Variants in IGFL3 observed in about 807,000 individuals in gnomAD.
IGFL3 encodes IGF like family member 3.
IGFL3 carries 12 observed loss-of-function variants against 17.0 expected under a neutral mutation model. The ratio of observed to expected loss-of-function variants is 0.71; its 90% CI spans 0.45 to 1.14. IGFL3 has a LOEUF of 1.14. Ranked by LOEUF, IGFL3 falls within the 50% of genes most tolerant of loss-of-function variation. The pLI is 0.00. For missense variants in IGFL3, 153 were observed against 151.6 expected (o/e 1.01, Z -0.05); for synonymous variants, 52 against 57.4 (o/e 0.91, Z 0.42).
Position 46,120,122 on chromosome 19 carries a change from A to C in IGFL3, c.*208T>G. ...GCCGATGAAAGTGGCTCTCAGCGGG[A>C]AGGGGAGCTGGAAAGGGGATGAAGC... On this transcript the variant is annotated 3_prime_UTR_variant, in exon 4 of 4. Transcript: ENST00000341415. The C allele has an allele frequency of 1.6e-6, 1 of 629,876 alleles. No homozygotes were observed. Among genetic ancestry groups the C allele is most frequent in the Non-Finnish European group, 2.6e-6 (1 of 380,976 alleles). 39.0% of individuals were successfully genotyped at this position (629,876 alleles called of 1,614,324 possible).
At chr19:46,124,407 G>A (rs1971975953) in intron 1 of IGFL3, 86 bp from the exon 2 acceptor site, 1 of 1,435,266 alleles carries the variant, frequency 7.0e-7, no homozygotes, top group South Asian at 1.2e-5. Flanking sequence ...ACAGAGGTTA[G>A]GGTGGTTTAA....
rs977781628 is a variant in IGFL3, at chr19:46,123,783, CTT to C, written c.350+101_350+102del. ...TTCCCCTGCTGCCACCAGCCTGACTCTTTTGCCGTTAGAACTCCACAAACAGG... is the reference window on the plus strand; with the variant it reads ...TTCCCCTGCTGCCACCAGCCTGACTCTTGCCGTTAGAACTCCACAAACAGG... On this transcript the variant is annotated intron_variant, in intron 3 of 3. Coordinates refer to ENST00000341415, the MANE Select transcript of IGFL3 (RefSeq NM_207393.2). 564 of 1,322,510 alleles carry C rather than the reference CTT, an allele frequency of 4.3e-4. 11 individuals carry two copies. Among genetic ancestry groups the C allele is most frequent in the Non-Finnish European group, 1.1e-4 (103 of 966,534 alleles). The allele number at this position is 1,322,510 out of a possible 1,614,324, so 81.9% of individuals were successfully genotyped here.
intron 3 of IGFL3, 28 bp from the exon 4 acceptor site, chr19:46,120,385 CT>C: frequency 3.1e-6 from 5 of 1,610,208 alleles, no homozygotes; most frequent in Non-Finnish European, 4.2e-6. Flanking sequence ...ATCAAAGTGT[CT>C]TAACAACATA....
rs1186930366 is a variant in IGFL3 at position 46,124,018 on chromosome 19, C to T, written c.218G>A (p.Cys73Tyr). ...GAGCTCAAAGCAGGGCCAGAAGGTGCAGGTGGAGCCACAGCGGCGGGTCTC... is the reference window on the plus strand; with the variant it reads ...GAGCTCAAAGCAGGGCCAGAAGGTGTAGGTGGAGCCACAGCGGCGGGTCTC... ...LKETRRCGST[C>Y]TFWPCFELCC... is the part of the protein sequence containing the mutation. The change falls in exon 3 of 4, where the codon TGC (cysteine) becomes TAC (tyrosine). Residue 73 changes from cysteine to tyrosine, a missense_variant. Physicochemically the swap from Cys to Tyr is radical, Grantham distance 194. Transcript: ENST00000341415. 1 of 1,611,476 alleles carries T rather than the reference C, an allele frequency of 6.2e-7. No individual in the cohort carries two copies. The highest frequency in any genetic ancestry group is 1.1e-5 in the South Asian group (1 of 90,872).
chr19:46,123,889 G>C lies in IGFL3; in HGVS notation c.347C>G (p.Thr116Ser). ...CHLSPISRSC[T>S]RNRRHVLYP ...AGAGCAAGGTAGGGACCTTTACCTG[G>C]TACAGCTCCGGGAGATGGGAGATAA... Residue 116 changes from threonine (T) to serine (S), a missense_variant, in exon 3 of 4, where the codon ACC (threonine) becomes AGC (serine). Transcript: ENST00000341415. 6.2e-7 allele frequency: 1 copy of C among 1,609,186 alleles called. No homozygotes were observed. Among genetic ancestry groups the C allele is most frequent in the Admixed American group, 1.7e-5 (1 of 59,444 alleles).
rs1349914373 is a variant in IGFL3, at chr19:46,123,894, G to T, written c.342C>A (p.Ser114Arg). ...AAGGTAGGGACCTTTACCTGGTACA[G>T]CTCCGGGAGATGGGAGATAAGTGAC... The part of the protein sequence containing the change: ...SQCHLSPISR[S>R]CTRNRRHVLY... Residue 114 changes from serine (S) to arginine (R), a missense_variant, in exon 3 of 4, where the codon AGC becomes AGA. Transcript: ENST00000341415. 2 of 1,610,226 alleles carry T rather than the reference G, an allele frequency of 1.2e-6. No homozygotes were observed. Among genetic ancestry groups the T allele is most frequent in the Non-Finnish European group, 1.7e-6 (2 of 1,179,122 alleles).
rs1407147805 is a variant in IGFL3, at chr19:46,124,544, AAG to A, written c.25+79_25+80del. 3.0e-6 allele frequency: 4 copies of A among 1,338,868 alleles called. No homozygotes were observed. The Admixed American group carries it at 6.8e-5, about 23-fold the overall frequency. 82.9% of individuals were successfully genotyped at this position (1,338,868 alleles called of 1,614,324 possible). On this transcript the variant is annotated intron_variant, in intron 1 of 3. Coordinates refer to ENST00000341415, the MANE Select transcript of IGFL3 (RefSeq NM_207393.2). ...GGAGGCTGGAATAATGTTAGAGATA[AAG>A]AGGAATAAATCGGGTTGAGGTTTGG...
At chr19:46,123,239 A>G (rs1354270250) in intron 3 of IGFL3, among the ~76,000 whole-genome samples, 2 of 150,950 alleles carry the variant, frequency 1.3e-5, no homozygotes, top group Non-Finnish European at 2.9e-5. Context: ...GAAAAAGGAT[A>G]CTGACCTCCT....
At chr19:46,122,747 C>A (rs769718214) in intron 3 of IGFL3, among the ~76,000 whole-genome samples, 2 of 150,912 alleles carry the variant, frequency 1.3e-5, no homozygotes, top group Non-Finnish European at 2.9e-5. Context: ...TTACATTACA[C>A]GTATTACCTC....
At position 46,124,120 on chromosome 19, in the gene IGFL3, G is replaced by A. The variant is rs764545335; in HGVS notation, c.116C>T (p.Pro39Leu). The A allele has an allele frequency of 3.6e-5, 58 of 1,610,676 alleles. 3 individuals are homozygous for A. The South Asian group carries it at 5.1e-4, about 14-fold the overall frequency. The stretch of plus-strand genomic sequence containing the variant: ...GATCTTGTTCCCACACCTGGGTGTC[G>A]GCTGGCACAGCCACAGTCCTGAGCC... ...PVGSGLWLCQ[P>L]TPRCGNKIYN... Residue 39 changes from proline to leucine, a missense_variant, in exon 3 of 4, where the codon CCG (proline) becomes CTG (leucine). By Grantham distance (98) the Pro-to-Leu change is moderately conservative (BLOSUM62 -3). Coordinates refer to ENST00000341415, the MANE Select transcript of IGFL3 (RefSeq NM_207393.2).
rs528415451 is a variant in IGFL3 at position 46,120,858 on chromosome 19, T to C, written c.351-501A>G. On this transcript the variant is annotated intron_variant, in intron 3 of 3. Coordinates refer to ENST00000341415, the MANE Select transcript of IGFL3 (RefSeq NM_207393.2). ...TGAGAAATATTGAAGGTAATAGATATGTTAATTTCCTTGAGTTTAATTATT... is the reference window on the plus strand; with the variant it reads ...TGAGAAATATTGAAGGTAATAGATACGTTAATTTCCTTGAGTTTAATTATT... 1.4e-4 allele frequency among the ~76,000 whole-genome samples: 21 copies of C among 150,958 alleles called. 1 individual carries two copies. Among genetic ancestry groups the C allele is most frequent in the Non-Finnish European group, 3.1e-4 (21 of 67,954 alleles).
At chr19:46,124,429 A>G in intron 1 of IGFL3, 108 bp from the exon 2 acceptor site, 2 of 1,297,448 alleles carry the variant, frequency 1.5e-6, no homozygotes, top group Non-Finnish European at 2.2e-6. Context: ...GGTGGAGATT[A>G]TCACTTGGGG....
chr19:46,124,669 G>A lies in IGFL3; in HGVS notation c.-20C>T, dbSNP rs1971995079. 1 of 1,605,636 alleles carries A rather than the reference G, an allele frequency of 6.2e-7. No homozygotes were observed. The highest frequency in any genetic ancestry group is 2.3e-5 in the East Asian group (1 of 44,344). On this transcript the variant is annotated 5_prime_UTR_variant, in exon 1 of 4. Transcript: ENST00000341415. ...CCTCATGCTTCCAAAGATGCTCTAG[G>A]AGAATTGAAGAAGAGTGGTAAAAGG...
intron 3 of IGFL3, among the ~76,000 whole-genome samples, chr19:46,120,593 T>G (rs929022011): frequency 1.3e-5 from 2 of 150,462 alleles, no homozygotes; most frequent in Non-Finnish European, 2.9e-5. Context: ...TTCCTCAAAA[T>G]GCCAGATAAA....
chr19:46,120,310 G>T lies in IGFL3; in HGVS notation c.*20C>A, dbSNP rs542457910. 1.4e-5 allele frequency: 22 copies of T among 1,610,790 alleles called. 1 individual carries two copies. In the African/African-American group the frequency reaches 2.8e-4, roughly 21 times the overall value. On this transcript the variant is annotated 3_prime_UTR_variant, in exon 4 of 4. Coordinates refer to ENST00000341415, the MANE Select transcript of IGFL3 (RefSeq NM_207393.2). The stretch of plus-strand genomic sequence containing the variant: ...TCTCTTCTCCCCTTGTCTGCCGTCT[G>T]CCAGTGGAGCCTGGGGTTTTTATGG...
Position 46,123,591 on chromosome 19 carries a change from G to GT in IGFL3, c.350+294dup, listed in dbSNP as rs531111222. On this transcript the variant is annotated intron_variant, in intron 3 of 3. Coordinates refer to ENST00000341415, the MANE Select transcript of IGFL3 (RefSeq NM_207393.2). ...TTCCTGACACTGGATTATTTAGCAT[G>GT]TTTTTTTACATCAGGAAGGCAACTG... Among the ~76,000 whole-genome samples, 740 of 150,912 alleles carry GT rather than the reference G, an allele frequency of 4.9e-3. 44 individuals are homozygous for GT. The highest frequency in any genetic ancestry group is 0.017 in the African/African-American group (675 of 40,698).
At chr19:46,123,735 C>G in intron 3 of IGFL3, 151 bp downstream of exon 3, 1 of 832,078 alleles carries the variant, frequency 1.2e-6, no homozygotes, top group Non-Finnish European at 1.9e-6. Context: ...AGACTTATAG[C>G]TTATCTGCTT....
At chr19:46,122,260 A>G (rs1971816323) in intron 3 of IGFL3, among the ~76,000 whole-genome samples, 1 of 151,070 alleles carries the variant, frequency 6.6e-6, no homozygotes. Context: ...TGCACAAAAC[A>G]TCTTTAGCCA....
chr19:46,120,253 T>C lies in IGFL3; in HGVS notation c.*77A>G. 6.3e-7 allele frequency: 1 copy of C among 1,598,594 alleles called. No homozygotes were observed. On this transcript the variant is annotated 3_prime_UTR_variant, in exon 4 of 4. Coordinates refer to ENST00000341415, the MANE Select transcript of IGFL3 (RefSeq NM_207393.2). ...AAGTCAAGTTGCTTCTCTCCGAAGT[T>C]CAACTGTAGTCTCCGATGTCCAGCT...
Sources: gnomAD v4.1 joint callset for allele counts (sites outside exome capture counted in the v4.1 genomes callset) on GRCh38, gnomAD v4.1.1 for gene constraint, MANE v1.5 for transcripts, NCBI Gene and HGNC (gene_info 2026-07-23, HGNC 2026-07-21) for gene names.